Variants in LRP1B observed in about 807,000 individuals in gnomAD.
LRP1B encodes low-density lipoprotein receptor-related protein 1B.
LRP1B carries 217 observed loss-of-function variants against 556.6 expected under a neutral mutation model. That is an observed-to-expected ratio of 0.39 (90% CI 0.35 to 0.44). LRP1B has a LOEUF of 0.44. Among genes scored for constraint, LRP1B ranks in the 20% least tolerant of loss-of-function variants. LRP1B has a pLI of 1.00. For missense variants in LRP1B, 5,053 were observed against 5,620.8 expected, an observed-to-expected ratio of 0.90 and a Z score of 3.23; for synonymous variants, 2,047 against 1,865.8, an observed-to-expected ratio of 1.10 and a Z score of -2.50.
At chr2:141,063,402 A>G (rs1383001538) in intron 7 of LRP1B, among the ~76,000 whole-genome samples, 2 of 151,890 alleles carry the variant, frequency 1.3e-5, no homozygotes, top group Non-Finnish European at 2.9e-5. Flanking sequence ...ACATTAGTGC[A>G]TACTATTTGT....
intron 2 of LRP1B, among the ~76,000 whole-genome samples, chr2:141,712,008 G>A (rs762749963): frequency 6.6e-6 from 1 of 151,796 alleles, no homozygotes; most frequent in African/African-American, 2.4e-5. Context: ...TGGGGAAAAT[G>A]AGCCCTAATT....
chr2:140,616,178 G>C (rs1683250261), intron 41 of LRP1B, among the ~76,000 whole-genome samples: 1 of 151,766 alleles, frequency 6.6e-6, no homozygotes. Context: ...TTTCCCTGTA[G>C]TTATTAGCAG....
intron 41 of LRP1B, among the ~76,000 whole-genome samples, chr2:140,651,182 A>C (rs1280601490): frequency 6.6e-6 from 1 of 152,090 alleles, no homozygotes; most frequent in Non-Finnish European, 1.5e-5. Flanking sequence ...GAACGGGCAG[A>C]GAAGTTCATG....
chr2:141,188,907 G>A (rs113698947), intron 6 of LRP1B, among the ~76,000 whole-genome samples: 183 of 151,988 alleles, frequency 1.2e-3, no homozygotes, highest in African/African-American at 3.6e-3. Context: ...TCATTCGATG[G>A]AATGAACAGA....
At chr2:140,244,430 A>G (rs1573675269) in intron 87 of LRP1B, among the ~76,000 whole-genome samples, 2 of 151,346 alleles carry the variant, frequency 1.3e-5, no homozygotes, top group African/African-American at 2.4e-5. Context: ...AGCGGATACA[A>G]CAAATAACAT....
intron 3 of LRP1B, among the ~76,000 whole-genome samples, chr2:141,339,855 G>C (rs968244412): frequency 1.3e-5 from 2 of 152,032 alleles, no homozygotes; most frequent in African/African-American, 4.8e-5. Flanking sequence ...GGTGGTAAAG[G>C]CTGGGTGTTT....
chr2:141,569,337 A>T (rs1271719185), intron 2 of LRP1B, among the ~76,000 whole-genome samples: 1 of 150,966 alleles, frequency 6.6e-6, no homozygotes, highest in Non-Finnish European at 1.5e-5. Context: ...TAGAAATATA[A>T]AAAAAAGGGC....
intron 1 of LRP1B, among the ~76,000 whole-genome samples, chr2:142,062,426 AT>A (rs1704955468): frequency 6.6e-6 from 1 of 151,794 alleles, no homozygotes; most frequent in African/African-American, 2.4e-5. Context: ...AATCAAAAAT[AT>A]TTCATGATCC....
In LRP1B at chr2:140,607,608, AT is replaced by A. The variant is rs1682915059; in HGVS notation, c.6800-5970del. 2.0e-5 allele frequency among the ~76,000 whole-genome samples: 3 copies of A among 149,922 alleles called. No homozygotes were observed. In the South Asian group the frequency reaches 6.4e-4, roughly 32 times the overall value. On this transcript the variant is annotated intron_variant, in intron 41 of 90. Coordinates refer to ENST00000389484, the MANE Select transcript of LRP1B (RefSeq NM_018557.3). Reference sequence around the variant, plus strand: ...AATATAAAAACTGAAGCACACATATATGCTAAACTCGACCCCCTCTCTTTAC... The same window carrying A: ...AATATAAAAACTGAAGCACACATATAGCTAAACTCGACCCCCTCTCTTTAC...
intron 7 of LRP1B, among the ~76,000 whole-genome samples, chr2:141,129,487 A>G (rs1574104318): frequency 6.6e-6 from 1 of 152,004 alleles, no homozygotes; most frequent in Non-Finnish European, 1.5e-5. Flanking sequence ...GCAGAGTAGG[A>G]GCAATCCATT....
intron 1 of LRP1B, among the ~76,000 whole-genome samples, chr2:142,082,677 C>A (rs1705765220): frequency 6.6e-6 from 1 of 152,214 alleles, no homozygotes; most frequent in Admixed American, 6.5e-5. Flanking sequence ...TCAATCACTT[C>A]TCTCTCAGCT....
rs546067842 is a variant in LRP1B, at chr2:141,499,209, T to C, written c.206-18676A>G. 4.6e-5 allele frequency among the ~76,000 whole-genome samples: 7 copies of C among 152,224 alleles called. No homozygotes were observed. In the South Asian group the frequency reaches 1.4e-3, roughly 32 times the overall value. On this transcript the variant is annotated intron_variant, in intron 2 of 90. Coordinates refer to ENST00000389484, the MANE Select transcript of LRP1B (RefSeq NM_018557.3). The stretch of plus-strand genomic sequence containing the variant: ...AATCTTAAGAGTCACACTTGTTATT[T>C]TCATTTTACAGGTGCAGAAATAGAG...
intron 43 of LRP1B, among the ~76,000 whole-genome samples, chr2:140,588,228 G>A (rs1222871261): frequency 6.6e-6 from 1 of 151,946 alleles, no homozygotes; most frequent in Non-Finnish European, 1.5e-5. Context: ...GATGGTTGAA[G>A]CAAAAAAAAT....
chr2:141,974,648 A>G (rs558508510), intron 1 of LRP1B, among the ~76,000 whole-genome samples: 69 of 152,206 alleles, frequency 4.5e-4, no homozygotes, highest in African/African-American at 1.5e-3. Context: ...TACAACTTAA[A>G]AATGTTTGAC....
At chr2:141,367,137 A>G (rs1031945667) in intron 3 of LRP1B, among the ~76,000 whole-genome samples, 7 of 152,340 alleles carry the variant, frequency 4.6e-5, no homozygotes, top group Admixed American at 6.5e-5. Context: ...AGAGAAGGCT[A>G]CTATTGGGGA....
intron 1 of LRP1B, among the ~76,000 whole-genome samples, chr2:142,114,537 T>C (rs577493036): frequency 6.6e-6 from 1 of 152,226 alleles, no homozygotes; most frequent in Non-Finnish European, 1.5e-5. Flanking sequence ...TCAAGATGAA[T>C]GGATAAACAA....
At position 141,733,047 on chromosome 2, in the gene LRP1B, T is replaced by G. The variant is rs139131736; in HGVS notation, c.205+77232A>C. On this transcript the variant is annotated intron_variant, in intron 2 of 90. Coordinates refer to ENST00000389484, the MANE Select transcript of LRP1B (RefSeq NM_018557.3). Reference sequence around the variant, plus strand: ...CTGTGCCTAATGTGAGGATCAATGGTGGGGTTCTAGCCAAGGGCTTTAAGT... The same window carrying G: ...CTGTGCCTAATGTGAGGATCAATGGGGGGGTTCTAGCCAAGGGCTTTAAGT... Among the ~76,000 whole-genome samples, 763 of 152,128 alleles carry G rather than the reference T, an allele frequency of 5.0e-3. 8 individuals carry two copies. Among genetic ancestry groups the G allele is most frequent in the African/African-American group, 0.017 (708 of 41,512 alleles).
chr2:141,709,657 G>A (rs1332678783), intron 2 of LRP1B, among the ~76,000 whole-genome samples: 12 of 152,148 alleles, frequency 7.9e-5, no homozygotes. Flanking sequence ...TCTTTTCTGA[G>A]AGTAGATTGA....
At chr2:141,018,314 A>G (rs145582074) in intron 12 of LRP1B, among the ~76,000 whole-genome samples, 258 of 152,232 alleles carry the variant, frequency 1.7e-3, no homozygotes, top group African/African-American at 6.0e-3. Flanking sequence ...AACACTGTCT[A>G]GTTTTAAATA....
Sources: gnomAD v4.1 joint callset for allele counts (sites outside exome capture counted in the v4.1 genomes callset) on GRCh38, gnomAD v4.1.1 for gene constraint, MANE v1.5 for transcripts, NCBI Gene and HGNC (gene_info 2026-07-23, HGNC 2026-07-21) for gene names.